The following SAMMSON variants were observed in gnomAD, a reference collection of about 807,000 sequenced individuals.
SAMMSON encodes the protein survival associated mitochondrial melanoma specific oncogenic non-coding RNA, also known as long intergenic non-protein coding RNA 1212.
chr3:70,413,779 T>C (rs909725835), intron 2 of SAMMSON, among the ~76,000 whole-genome samples: 4 of 152,134 alleles, frequency 2.6e-5, no homozygotes, highest in African/African-American at 9.7e-5. Flanking sequence ...CATTAAAATA[T>C]GGACAATAGA....
intron 6 of SAMMSON, among the ~76,000 whole-genome samples, chr3:70,286,376 T>A (rs991335128): frequency 1.2e-4 from 19 of 152,080 alleles, no homozygotes; most frequent in Non-Finnish European, 8.8e-5. Context: ...TGTAGATATG[T>A]GGCATTATTT....
intron 4 of SAMMSON, among the ~76,000 whole-genome samples, chr3:70,238,699 AC>A (rs1475341444): frequency 6.6e-6 from 1 of 152,062 alleles, no homozygotes; most frequent in African/African-American, 2.4e-5. Context: ...AGCCACAGGG[AC>A]AAATTCCAAA....
intron 2 of SAMMSON, among the ~76,000 whole-genome samples, chr3:70,413,221 T>C (rs2106769866): frequency 6.6e-6 from 1 of 152,292 alleles, no homozygotes; most frequent in Non-Finnish European, 1.5e-5. Context: ...ACAGAAATTC[T>C]TTAGCCTTCT....
intron 4 of SAMMSON, among the ~76,000 whole-genome samples, chr3:70,203,855 A>T (rs1359981240): frequency 6.6e-6 from 1 of 152,112 alleles, no homozygotes; most frequent in African/African-American, 2.4e-5. Flanking sequence ...TTTCTTATCC[A>T]CAGAGAAGCT....
At chr3:70,024,539 CT>C (rs761881270) in intron 3 of SAMMSON, among the ~76,000 whole-genome samples, 2 of 152,166 alleles carry the variant, frequency 1.3e-5, no homozygotes, top group African/African-American at 4.8e-5. Context: ...GCAGCAAAGC[CT>C]CTGATGCCAG....
chr3:70,217,954 G>A (rs1430702367), intron 4 of SAMMSON, among the ~76,000 whole-genome samples: 1 of 152,206 alleles, frequency 6.6e-6, no homozygotes, highest in East Asian at 1.9e-4. Flanking sequence ...CAGAGGCCTT[G>A]GAGAGGCCAG....
intron 4 of SAMMSON, among the ~76,000 whole-genome samples, chr3:70,231,243 G>C (rs1701557277): frequency 6.6e-6 from 1 of 152,156 alleles, no homozygotes; most frequent in African/African-American, 2.4e-5. Context: ...GCTCAAGGAA[G>C]GGAATAGTTC....
chr3:70,245,819 C>T (rs1244360171), intron 4 of SAMMSON, among the ~76,000 whole-genome samples: 1 of 149,964 alleles, frequency 6.7e-6, no homozygotes, highest in African/African-American at 2.4e-5. Context: ...CTGTCACCAT[C>T]CAATTTTTTT....
intron 4 of SAMMSON, among the ~76,000 whole-genome samples, chr3:70,200,480 G>GT (rs1375478600): frequency 6.6e-6 from 1 of 152,140 alleles, no homozygotes; most frequent in Non-Finnish European, 1.5e-5. Flanking sequence ...CACATGCTGT[G>GT]TTTTTGCCTG....
At chr3:70,106,808 T>C (rs1395372134) in intron 4 of SAMMSON, among the ~76,000 whole-genome samples, 1 of 152,198 alleles carries the variant, frequency 6.6e-6, no homozygotes, top group Non-Finnish European at 1.5e-5. Flanking sequence ...TATACATGTG[T>C]TGGTTAAGAT....
intron 8 of SAMMSON, among the ~76,000 whole-genome samples, chr3:70,355,306 C>G (rs1702821251): frequency 6.6e-6 from 1 of 151,866 alleles, no homozygotes; most frequent in Non-Finnish European, 1.5e-5. Context: ...ACCAGCTGTT[C>G]AGGAAATCTT....
At chr3:70,331,918 A>G (rs1252747699) in intron 7 of SAMMSON, among the ~76,000 whole-genome samples, 1 of 152,204 alleles carries the variant, frequency 6.6e-6, no homozygotes, top group Non-Finnish European at 1.5e-5. Flanking sequence ...ACCTCATGAG[A>G]TTTGGTACAG....
intron 7 of SAMMSON, among the ~76,000 whole-genome samples, chr3:70,303,702 G>T (rs1702372506): frequency 6.6e-6 from 1 of 151,940 alleles, no homozygotes; most frequent in African/African-American, 2.4e-5. Context: ...ATTTTTCTGA[G>T]GTGGAGTCTT....
rs144466415 is a variant in SAMMSON, at chr3:70,419,003, T to C, written n.234-43557T>C. Among the ~76,000 whole-genome samples the C allele has an allele frequency of 6.3e-3, 521 of 82,862 alleles. 3 individuals carry two copies. The highest frequency in any genetic ancestry group is 0.012 in the African/African-American group (282 of 22,690). 54.4% of individuals were successfully genotyped at this position (82,862 alleles called of 152,430 possible). A position where few individuals can be genotyped will look rare whatever the true frequency, so the allele number is the denominator to read the frequency against. On this transcript the variant is annotated intron_variant and non_coding_transcript_variant, in intron 2 of 3. Transcript: ENST00000641053. Reference sequence around the variant, plus strand: ...CTTCTCTCTCTCTCTCTCTCTCTCTTTCTTTCTTTCTTTCCTTCTTTCTTT... The same window carrying C: ...CTTCTCTCTCTCTCTCTCTCTCTCTCTCTTTCTTTCTTTCCTTCTTTCTTT...
chr3:70,356,079 C>T (rs1181552746), intron 8 of SAMMSON, among the ~76,000 whole-genome samples: 2 of 152,116 alleles, frequency 1.3e-5, no homozygotes, highest in African/African-American at 4.8e-5. Flanking sequence ...AATCTGAATT[C>T]CTAACACTTG....
chr3:70,347,696 C>T (rs1438125434), intron 7 of SAMMSON, among the ~76,000 whole-genome samples: 1 of 152,142 alleles, frequency 6.6e-6, no homozygotes, highest in African/African-American at 2.4e-5. Context: ...TAAGTTTATA[C>T]CCTAGTGTGT....
At chr3:70,106,445 A>G (rs1348516775) in intron 4 of SAMMSON, among the ~76,000 whole-genome samples, 9 of 151,644 alleles carry the variant, frequency 5.9e-5, no homozygotes, top group South Asian at 2.1e-4. Context: ...GGCTCAAGCA[A>G]TCCTCACACC....
intron 4 of SAMMSON, among the ~76,000 whole-genome samples, chr3:70,176,375 G>T (rs1199125880): frequency 6.6e-6 from 1 of 152,150 alleles, no homozygotes; most frequent in Non-Finnish European, 1.5e-5. Flanking sequence ...AGCAGAAGAA[G>T]CTTCTGTGGG....
intron 6 of SAMMSON, among the ~76,000 whole-genome samples, chr3:70,276,051 T>G (rs1702022266): frequency 6.6e-6 from 1 of 152,130 alleles, no homozygotes; most frequent in Non-Finnish European, 1.5e-5. Flanking sequence ...TAAAAAAAAG[T>G]ATATATACTC....
Sources: gnomAD v4.1 joint callset for allele counts (sites outside exome capture counted in the v4.1 genomes callset) on GRCh38, gnomAD v4.1.1 for gene constraint, MANE v1.5 for transcripts, NCBI Gene and HGNC (gene_info 2026-07-23, HGNC 2026-07-21) for gene names.